The following SERPINB5 variants were observed in gnomAD, a reference collection of about 807,000 sequenced individuals.
SERPINB5 encodes the protein serpin B5.
SERPINB5 carries 27 observed loss-of-function variants against 32.2 expected under a neutral mutation model. That is an observed-to-expected ratio of 0.84 (90% CI 0.62 to 1.16). The LOEUF (loss-of-function observed/expected upper bound fraction) is 1.16. Ranked by LOEUF, SERPINB5 falls within the 50% of genes most tolerant of loss-of-function variation. The probability of loss-of-function intolerance (pLI) is 0.00; values close to 1 mark genes in which losing one functional copy is unlikely to be tolerated. For missense variants in SERPINB5, 388 were observed against 436.3 expected, an observed-to-expected ratio of 0.89 and a Z score of 0.99; for synonymous variants, 154 against 157.4, an observed-to-expected ratio of 0.98 and a Z score of 0.16.
rs75104607 is a variant in SERPINB5, at chr18:63,491,405, A to C, written c.425-1548A>C. Reference sequence around the variant, plus strand: ...TGAGAAGAGAGAAACTGCGTCTCCCAAAAAAAAAAAAAAAAAAAAAAAAGA... The same window carrying C: ...TGAGAAGAGAGAAACTGCGTCTCCCCAAAAAAAAAAAAAAAAAAAAAAAGA... On this transcript the variant is annotated intron_variant, in intron 4 of 6. Transcript: ENST00000382771. 9.2e-3 allele frequency among the ~76,000 whole-genome samples: 323 copies of C among 35,128 alleles called. 1 individual carries two copies. The highest frequency in any genetic ancestry group is 0.025 in the Non-Finnish European group (240 of 9,776). 23.0% of individuals were successfully genotyped at this position (35,128 alleles called of 152,430 possible).
intron 1 of SERPINB5, among the ~76,000 whole-genome samples, chr18:63,481,879 C>T (rs1292009779): frequency 6.6e-6 from 1 of 152,142 alleles, no homozygotes; most frequent in African/African-American, 2.4e-5. Context: ...TAGGCCCTTG[C>T]CCCTGCCCTG....
At chr18:63,497,434 C>A in intron 5 of SERPINB5, 1 of 844,344 alleles carries the variant, frequency 1.2e-6, no homozygotes, top group Non-Finnish European at 2.0e-6. Context: ...GTCCCTGCTG[C>A]TGCGGCTGCA....
In SERPINB5 at chr18:63,497,308, C is replaced by T. The variant is rs965347192; in HGVS notation, c.568-1812C>T. ...CAGGAACCCATCTCTCAAGCAGCAGCTCTTCTCCTATGCGATTCTGGGCTT... is the reference window on the plus strand; with the variant it reads ...CAGGAACCCATCTCTCAAGCAGCAGTTCTTCTCCTATGCGATTCTGGGCTT... On this transcript the variant is annotated intron_variant, in intron 5 of 6. Transcript: ENST00000382771. The T allele has an allele frequency of 4.7e-6, 6 of 1,273,178 alleles. No homozygotes were observed. The African/African-American group carries it at 8.7e-5, about 18-fold the overall frequency. The allele number at this position is 1,273,178 out of a possible 1,614,324, so 78.9% of individuals were successfully genotyped here.
chr18:63,500,918 TTTTATGC>T (rs1187381702), intron 6 of SERPINB5, among the ~76,000 whole-genome samples: 1 of 152,170 alleles, frequency 6.6e-6, no homozygotes. Context: ...TTTCTTTCCA[TTTTATGC>T]TTTGATCTTT....
chr18:63,481,090 T>C (rs12373321), intron 1 of SERPINB5, among the ~76,000 whole-genome samples: 57,444 of 152,126 alleles, frequency 0.38, 11,523 homozygotes, highest in Non-Finnish European at 0.46. Context: ...AGATGTGCAC[T>C]GATTTACATC....
At chr18:63,493,878 A>C (rs8084128) in intron 5 of SERPINB5, among the ~76,000 whole-genome samples, 216 of 151,240 alleles carry the variant, frequency 1.4e-3, no homozygotes, top group African/African-American at 4.9e-3. Context: ...ACAAACAAAC[A>C]AACAACAAGA....
rs1909500524 is a variant in SERPINB5, at chr18:63,498,635, G to A, written c.568-485G>A. 6.6e-6 allele frequency among the ~76,000 whole-genome samples: 1 copy of A among 152,004 alleles called. No individual in the cohort carries two copies. Among genetic ancestry groups the A allele is most frequent in the Non-Finnish European group, 1.5e-5 (1 of 68,004 alleles). On this transcript the variant is annotated intron_variant, in intron 5 of 6. Transcript: ENST00000382771. This position sits in a 1 kb window ranked among gnomAD's most constrained non-coding sequence, Gnocchi z 4.2. ...AAAGTATATGAATAACTTTTCAAAG[G>A]AACACAAACTCTTCACAGGACAGTC... is the stretch of plus-strand genomic sequence containing the variant.
At chr18:63,486,841 G>A (rs1168458630) in intron 2 of SERPINB5, 105 bp from the exon 3 acceptor site, 1 of 1,146,650 alleles carries the variant, frequency 8.7e-7, no homozygotes, top group East Asian at 2.4e-5. Context: ...AACTAGGCAG[G>A]AGGAGTCTGT....
chr18:63,496,060 T>C (rs1909439728), intron 5 of SERPINB5, among the ~76,000 whole-genome samples: 1 of 152,228 alleles, frequency 6.6e-6, no homozygotes, highest in Non-Finnish European at 1.5e-5. Context: ...CATATATATC[T>C]ATATTAGTAT....
intron 1 of SERPINB5, among the ~76,000 whole-genome samples, chr18:63,482,835 ATAAT>A (rs1273704704): frequency 6.6e-6 from 1 of 150,482 alleles, no homozygotes; most frequent in Non-Finnish European, 1.5e-5. Flanking sequence ...AAATAATATA[ATAAT>A]TAAATACTAA....
At position 63,484,483 on chromosome 18, in the gene SERPINB5, C is replaced by T; in HGVS notation, c.55C>T (p.Leu19=). 6.2e-7 allele frequency: 1 copy of T among 1,614,186 alleles called. No homozygotes were observed. The highest frequency in any genetic ancestry group is 8.5e-7 in the Non-Finnish European group (1 of 1,180,032). The change falls in exon 2 of 7, where the codon CTA becomes TTA. Residue 19 remains leucine, a synonymous_variant. Coordinates refer to ENST00000382771, the MANE Select transcript of SERPINB5 (RefSeq NM_002639.5). ...SAFAVDLFKQ[L]CEKEPLGNVL... Reference sequence around the variant, plus strand: ...TTTTGCCGTTGATCTGTTCAAACAACTATGTGAAAAGGAGCCACTGGGCAA... The same window carrying T: ...TTTTGCCGTTGATCTGTTCAAACAATTATGTGAAAAGGAGCCACTGGGCAA...
At chr18:63,499,021 A>C in intron 5 of SERPINB5, 99 bp from the exon 6 acceptor site, 1 of 483,592 alleles carries the variant, frequency 2.1e-6, no homozygotes, top group Non-Finnish European at 3.2e-6. Flanking sequence ...GTGGGTATAT[A>C]TGTGTGTGTG....
intron 5 of SERPINB5, chr18:63,497,466 G>T: frequency 3.3e-6 from 2 of 602,764 alleles, no homozygotes; most frequent in Non-Finnish European, 5.9e-6. Flanking sequence ...GTGCTGGGCT[G>T]TGCTAAGCTT....
chr18:63,481,313 A>G (rs555470225), intron 1 of SERPINB5, among the ~76,000 whole-genome samples: 28 of 152,362 alleles, frequency 1.8e-4, no homozygotes, highest in Non-Finnish European at 3.1e-4. Flanking sequence ...CCTAAGATCC[A>G]TTTGTAGGTG....
In SERPINB5 at chr18:63,498,207, A is replaced by T. The variant is rs900896289; in HGVS notation, c.568-913A>T. Reference sequence around the variant, plus strand: ...CAGGCTCAAGCAATTCTCCTCCCTCAGTTTCCCAAGAAGCTGAGATTACAG... The same window carrying T: ...CAGGCTCAAGCAATTCTCCTCCCTCTGTTTCCCAAGAAGCTGAGATTACAG... On this transcript the variant is annotated intron_variant, in intron 5 of 6. Coordinates refer to ENST00000382771, the MANE Select transcript of SERPINB5 (RefSeq NM_002639.5). The surrounding 1 kb of genome is among the most constrained non-coding windows in gnomAD (Gnocchi z 4.2). 6.6e-6 allele frequency among the ~76,000 whole-genome samples: 1 copy of T among 152,126 alleles called. No homozygotes were observed. Among genetic ancestry groups the T allele is most frequent in the African/African-American group, 2.4e-5 (1 of 41,420 alleles).
Position 63,504,066 on chromosome 18 carries a change from G to T in SERPINB5, c.*344G>T. 3.8e-6 allele frequency: 1 copy of T among 264,596 alleles called. No homozygotes were observed. The highest frequency in any genetic ancestry group is 7.1e-6 in the Non-Finnish European group (1 of 140,558). 16.4% of individuals were successfully genotyped at this position (264,596 alleles called of 1,614,324 possible). On this transcript the variant is annotated 3_prime_UTR_variant, in exon 7 of 7. Coordinates refer to ENST00000382771, the MANE Select transcript of SERPINB5 (RefSeq NM_002639.5). ...AAATTCCTATAAGGAAGATTTGGAA[G>T]CTCTTCTTCCCAGCACTATGCTTTC...
intron 2 of SERPINB5, chr18:63,485,697 A>G (rs11873010): frequency 0.49 from 75,270 of 152,116 alleles, 20,285 homozygotes; most frequent in Non-Finnish European, 0.62. Flanking sequence ...GTAATTCCTC[A>G]AGCTCTTCTC....
intron 4 of SERPINB5, among the ~76,000 whole-genome samples, chr18:63,492,143 T>A (rs752434926): frequency 1.6e-4 from 24 of 152,332 alleles, no homozygotes; most frequent in Middle Eastern, 3.4e-3. Flanking sequence ...TATTCAAATG[T>A]GAGGAGTTCT....
chr18:63,491,983 A>G (rs974621751), intron 4 of SERPINB5, among the ~76,000 whole-genome samples: 4 of 152,198 alleles, frequency 2.6e-5, no homozygotes, highest in Non-Finnish European at 5.9e-5. Context: ...TTAAACATTT[A>G]TTAAGAATTT....
Sources: gnomAD v4.1 joint callset for allele counts (sites outside exome capture counted in the v4.1 genomes callset) on GRCh38, gnomAD v4.1.1 for gene constraint, Gnocchi (gnomAD v3.1) non-coding constraint, MANE v1.5 for transcripts, NCBI Gene and HGNC (gene_info 2026-07-23, HGNC 2026-07-21) for gene names.